Variants in RORB observed in about 807,000 individuals in gnomAD.
RORB encodes the protein RAR related orphan receptor B.
In RORB, 6 loss-of-function variants were observed where a neutral mutation model predicts 59.1. The ratio of observed to expected loss-of-function variants is 0.10; its 90% confidence interval spans 0.06 to 0.20. RORB has a LOEUF of 0.20. Ranked by LOEUF, RORB falls within the 10% of genes least tolerant of loss-of-function variation. The probability of loss-of-function intolerance (pLI) is 1.00; values close to 1 mark genes in which losing one functional copy is unlikely to be tolerated. For synonymous variants in RORB, 215 were observed against 204.5 expected (o/e 1.05, Z -0.44); for missense variants, 320 against 560.5 (o/e 0.57, Z 4.33).
intron 1 of RORB, among the ~76,000 whole-genome samples, chr9:74,536,510 G>T (rs1826325042): frequency 6.6e-6 from 1 of 151,974 alleles, no homozygotes; most frequent in Admixed American, 6.6e-5. Context: ...AAATGACAGA[G>T]CCATTAGTTC....
At chr9:74,677,425 T>C (rs1156527724) in intron 9 of RORB, among the ~76,000 whole-genome samples, 6 of 152,202 alleles carry the variant, frequency 3.9e-5, no homozygotes, top group Non-Finnish European at 8.8e-5. Context: ...TTTTTATGAT[T>C]ATATGTTGAA....
intron 4 of RORB, among the ~76,000 whole-genome samples, chr9:74,655,137 T>G (rs1048550648): frequency 6.6e-6 from 1 of 152,224 alleles, no homozygotes; most frequent in African/African-American, 2.4e-5. Context: ...CTTAGTAAAT[T>G]GAACAAACCT....
intron 5 of RORB, among the ~76,000 whole-genome samples, 183 bp from the exon 6 acceptor site, chr9:74,662,291 A>G (rs1336039811): frequency 6.6e-6 from 1 of 152,192 alleles, no homozygotes; most frequent in African/African-American, 2.4e-5. Flanking sequence ...AGGTCCAAAC[A>G]GGTCAAAATA....
At chr9:74,525,090 G>T (rs1409234467) in intron 1 of RORB, among the ~76,000 whole-genome samples, 3 of 151,768 alleles carry the variant, frequency 2.0e-5, no homozygotes, top group Admixed American at 6.6e-5. Context: ...AAACACAAAA[G>T]ATTAACCCAA....
At chr9:74,662,411 G>A in intron 5 of RORB, 63 bp from the exon 6 acceptor site, 1 of 1,552,664 alleles carries the variant, frequency 6.4e-7, no homozygotes, top group East Asian at 2.3e-5. Context: ...GCAAACCTGA[G>A]TGTTCTGTTG....
chr9:74,570,859 G>A (rs1822540443), intron 1 of RORB, among the ~76,000 whole-genome samples: 1 of 151,804 alleles, frequency 6.6e-6, no homozygotes, highest in Admixed American at 6.6e-5. Context: ...TAAGCAAATG[G>A]ATCTTTTAAA....
At chr9:74,554,763 C>G (rs1394396609) in intron 1 of RORB, among the ~76,000 whole-genome samples, 1 of 152,160 alleles carries the variant, frequency 6.6e-6, no homozygotes, top group Non-Finnish European at 1.5e-5. Context: ...TTTGGCAGCG[C>G]CAGGCCACAG....
intron 1 of RORB, among the ~76,000 whole-genome samples, chr9:74,510,105 A>G (rs1433940166): frequency 1.3e-5 from 2 of 152,110 alleles, no homozygotes; most frequent in Admixed American, 1.3e-4. Context: ...ACTATAAAAA[A>G]CATAGCTTGA....
At chr9:74,641,268 A>C (rs2118458357) in intron 3 of RORB, among the ~76,000 whole-genome samples, 1 of 152,334 alleles carries the variant, frequency 6.6e-6, no homozygotes, top group African/African-American at 2.4e-5. Context: ...CAATATTCAC[A>C]ACAGTTCAGG....
chr9:74,584,880 C>A (rs1188716129), intron 1 of RORB, among the ~76,000 whole-genome samples: 4 of 152,148 alleles, frequency 2.6e-5, no homozygotes, highest in Non-Finnish European at 5.9e-5. Context: ...AAGCTTCTGG[C>A]ACTAGGACTG....
intron 8 of RORB, 37 bp downstream of exon 8, chr9:74,667,938 C>A (rs760453862): frequency 1.5e-6 from 2 of 1,340,176 alleles, no homozygotes; most frequent in Admixed American, 3.4e-5. Flanking sequence ...TTTTAAAAAA[C>A]TTGTTTTACT....
chr9:74,555,239 C>T (rs1822268427), intron 1 of RORB, among the ~76,000 whole-genome samples: 1 of 152,136 alleles, frequency 6.6e-6, no homozygotes, highest in Admixed American at 6.6e-5. Context: ...GTGTTGCCCT[C>T]GACAAGGCTG....
intron 4 of RORB, among the ~76,000 whole-genome samples, chr9:74,657,789 A>G (rs1824108585): frequency 6.6e-6 from 1 of 152,058 alleles, no homozygotes; most frequent in Non-Finnish European, 1.5e-5. Flanking sequence ...TGGATCACTT[A>G]AGGTCAGGAG....
chr9:74,675,084 A>G (rs1020540569), intron 9 of RORB, among the ~76,000 whole-genome samples: 3 of 152,162 alleles, frequency 2.0e-5, no homozygotes, highest in Non-Finnish European at 2.9e-5. Flanking sequence ...GAGATGGCGT[A>G]TTTGAGCTAG....
intron 8 of RORB, among the ~76,000 whole-genome samples, chr9:74,668,561 C>T (rs1229993741): frequency 6.6e-6 from 1 of 152,124 alleles, no homozygotes; most frequent in Non-Finnish European, 1.5e-5. Flanking sequence ...CATAAACAGT[C>T]GATTGACACA....
intron 1 of RORB, chr9:74,498,239 T>C: frequency 1.7e-6 from 1 of 578,670 alleles, no homozygotes; most frequent in Non-Finnish European, 3.1e-6. Context: ...AGTTGGTTCT[T>C]ACCAGTCCTT....
intron 1 of RORB, among the ~76,000 whole-genome samples, chr9:74,599,056 A>T (rs1476285090): frequency 6.6e-6 from 1 of 152,152 alleles, no homozygotes; most frequent in Non-Finnish European, 1.5e-5. Context: ...CACCTGCATA[A>T]CCCGAACACC....
chr9:74,519,074 ACCC>A (rs1161162460), intron 1 of RORB, among the ~76,000 whole-genome samples: 2 of 151,976 alleles, frequency 1.3e-5, no homozygotes, highest in Non-Finnish European at 2.9e-5. Context: ...TTTTATTTAT[ACCC>A]CAGTAAATGA....
chr9:74,659,148 C>A (rs181448332), intron 4 of RORB, among the ~76,000 whole-genome samples: 2 of 152,124 alleles, frequency 1.3e-5, no homozygotes, highest in Non-Finnish European at 2.9e-5. Context: ...GTGTTTCCAA[C>A]GTGCCAGGCA....
Sources: gnomAD v4.1 joint callset for allele counts (sites outside exome capture counted in the v4.1 genomes callset) on GRCh38, gnomAD v4.1.1 for gene constraint, MANE v1.5 for transcripts, NCBI Gene and HGNC (gene_info 2026-07-23, HGNC 2026-07-21) for gene names.